ASAP1: variants seen among roughly 807,000 people sequenced by gnomAD.
ASAP1 encodes the protein ArfGAP with SH3 domain, ankyrin repeat and PH domain 1, also known as arf-GAP with SH3 domain, ANK repeat and PH domain-containing protein 1.
A neutral mutation model predicts 145.2 loss-of-function variants in ASAP1; 43 were observed. The observed-to-expected ratio is 0.30, with a 90% CI of 0.23 to 0.38. ASAP1 has a LOEUF of 0.38. Ranked by LOEUF, ASAP1 falls within the 10% of genes least tolerant of loss-of-function variation. ASAP1 has a pLI of 1.00. For missense variants in ASAP1, 1,018 were observed against 1,355.3 expected, an observed-to-expected ratio of 0.75 and a Z score of 3.91; for synonymous variants, 546 against 515.5, an observed-to-expected ratio of 1.06 and a Z score of -0.80.
chr8:130,058,590 C>T (rs540424397), intron 28 of ASAP1, among the ~76,000 whole-genome samples: 12 of 152,230 alleles, frequency 7.9e-5, no homozygotes, highest in South Asian at 6.2e-4. Flanking sequence ...GCCTGGGGCT[C>T]GGAGAAGTCT....
At chr8:130,368,641 A>G (rs1014331644) in intron 2 of ASAP1, among the ~76,000 whole-genome samples, 1 of 152,250 alleles carries the variant, frequency 6.6e-6, no homozygotes, top group African/African-American at 2.4e-5. Flanking sequence ...GAGGACTGAT[A>G]TAGATGCTAG....
At position 130,188,220 on chromosome 8, in the gene ASAP1, A is replaced by T. The variant is rs972347272; in HGVS notation, c.406-37T>A. 3 of 1,521,378 alleles carry T rather than the reference A, an allele frequency of 2.0e-6. No individual in the cohort carries two copies. In the African/African-American group the frequency reaches 4.1e-5, roughly 21 times the overall value. 94.2% of individuals were successfully genotyped at this position (1,521,378 alleles called of 1,614,324 possible). On this transcript the variant is annotated intron_variant, in intron 5 of 29. Coordinates refer to ENST00000518721, the MANE Select transcript of ASAP1 (RefSeq NM_018482.4). Reference sequence around the variant, plus strand: ...AAGGGAAGATGGGAGATGGTTAAAAAATAAAGTCCACATGAACAATAAAAC... The same window carrying T: ...AAGGGAAGATGGGAGATGGTTAAAATATAAAGTCCACATGAACAATAAAAC...
intron 13 of ASAP1, among the ~76,000 whole-genome samples, chr8:130,137,379 G>A (rs935951678): frequency 6.6e-6 from 1 of 152,098 alleles, no homozygotes; most frequent in African/African-American, 2.4e-5. Flanking sequence ...TTTCAGAAGA[G>A]AATAAAAAAA....
chr8:130,399,814 CTTTTTT>C (rs66587581), intron 2 of ASAP1, among the ~76,000 whole-genome samples: 1 of 124,588 alleles, frequency 8.0e-6, no homozygotes. Context: ...AAGTCAGTGT[CTTTTTT>C]TTTTTTTTTT....
chr8:130,161,606 C>G (rs1297199970), intron 11 of ASAP1, among the ~76,000 whole-genome samples: 2 of 152,146 alleles, frequency 1.3e-5, no homozygotes, highest in African/African-American at 4.8e-5. Context: ...ACCAGGCAAG[C>G]TGACTCACAT....
At chr8:130,224,558 G>C (rs758536120) in intron 4 of ASAP1, among the ~76,000 whole-genome samples, 1 of 151,746 alleles carries the variant, frequency 6.6e-6, no homozygotes, top group African/African-American at 2.4e-5. Context: ...CACACATACA[G>C]ACACACAAAT....
intron 3 of ASAP1, among the ~76,000 whole-genome samples, chr8:130,272,033 C>T (rs1412648328): frequency 6.6e-6 from 1 of 151,896 alleles, no homozygotes; most frequent in Non-Finnish European, 1.5e-5. Flanking sequence ...TAAAAGGCTG[C>T]GGTAAGCTCC....
At chr8:130,196,185 T>C (rs1426699397) in intron 5 of ASAP1, among the ~76,000 whole-genome samples, 6 of 152,004 alleles carry the variant, frequency 3.9e-5, no homozygotes, top group African/African-American at 1.4e-4. Context: ...CTACTAAAAA[T>C]ACAAAAATTA....
intron 3 of ASAP1, among the ~76,000 whole-genome samples, chr8:130,331,841 G>C (rs768031964): frequency 6.6e-6 from 1 of 152,082 alleles, no homozygotes; most frequent in African/African-American, 2.4e-5. Context: ...ATCAAGTGGG[G>C]AGAATGATCA....
rs774868670 is a variant in ASAP1, at chr8:130,091,969, T to C, written c.2572+4A>G. On this transcript the variant is annotated splice_donor_region_variant and intron_variant, in intron 25 of 29. Coordinates refer to ENST00000518721, the MANE Select transcript of ASAP1 (RefSeq NM_018482.4). ...GCTTTGGCCCTGACTTTAGGATAAC[T>C]TACCCCAAGGAACTGCGCCTTTGTT... The C allele has an allele frequency of 2.0e-6, 3 of 1,537,620 alleles. No individual in the cohort carries two copies. Among genetic ancestry groups the C allele is most frequent in the Non-Finnish European group, 2.6e-6 (3 of 1,149,198 alleles).
intron 13 of ASAP1, among the ~76,000 whole-genome samples, chr8:130,139,452 G>A (rs367812411): frequency 2.0e-5 from 3 of 152,224 alleles, no homozygotes; most frequent in Non-Finnish European, 2.9e-5. Flanking sequence ...CTGACCAGGC[G>A]TGGTGTCTCA....
intron 2 of ASAP1, among the ~76,000 whole-genome samples, chr8:130,399,027 C>CT (rs1439924681): frequency 5.3e-5 from 8 of 152,204 alleles, no homozygotes; most frequent in Non-Finnish European, 1.2e-4. Flanking sequence ...AGCCAGAGAA[C>CT]TAAATTCTGG....
At chr8:130,326,679 T>C (rs1257971934) in intron 3 of ASAP1, among the ~76,000 whole-genome samples, 5 of 152,158 alleles carry the variant, frequency 3.3e-5, no homozygotes, top group Non-Finnish European at 5.9e-5. Flanking sequence ...TAAATGTAAA[T>C]GTTCAAGGGT....
chr8:130,174,163 C>A (rs1222637934), intron 9 of ASAP1, among the ~76,000 whole-genome samples: 2 of 149,020 alleles, frequency 1.3e-5, no homozygotes, highest in East Asian at 4.0e-4. Flanking sequence ...TGGCTCTAAA[C>A]CTTACTATAC....
At position 130,401,968 on chromosome 8, in the gene ASAP1, G is replaced by T. The variant is rs770612753; in HGVS notation, c.-25C>A. The stretch of plus-strand genomic sequence containing the variant: ...TGTCTCAGCCGTCACATCAGAAAAC[G>T]ACCTGGATAGGGGGCAGGACAAAAA... On this transcript the variant is annotated splice_region_variant and 5_prime_UTR_variant, in exon 2 of 30. Transcript: ENST00000518721. The T allele has an allele frequency of 6.2e-7, 1 of 1,609,178 alleles. No individual in the cohort carries two copies. The highest frequency in any genetic ancestry group is 8.5e-7 in the Non-Finnish European group (1 of 1,177,214).
intron 1 of ASAP1, among the ~76,000 whole-genome samples, chr8:130,424,968 G>C (rs1289577971): frequency 7.0e-6 from 1 of 143,730 alleles, no homozygotes; most frequent in East Asian, 1.9e-4. Context: ...ACTCCAGCCT[G>C]GGTGACAGAG....
chr8:130,266,734 T>C (rs1410924426), intron 3 of ASAP1, among the ~76,000 whole-genome samples: 1 of 151,380 alleles, frequency 6.6e-6, no homozygotes. Flanking sequence ...TTTGTAAAAA[T>C]AAAGACCTAA....
intron 3 of ASAP1, among the ~76,000 whole-genome samples, chr8:130,307,151 T>C (rs888594776): frequency 2.0e-5 from 3 of 152,350 alleles, no homozygotes; most frequent in African/African-American, 7.2e-5. Context: ...TTTTTTTGCT[T>C]TATCTGTCTC....
intron 3 of ASAP1, among the ~76,000 whole-genome samples, chr8:130,353,745 C>A (rs1826136157): frequency 6.6e-6 from 1 of 152,158 alleles, no homozygotes; most frequent in South Asian, 2.1e-4. Flanking sequence ...CGGTGTGCAC[C>A]TGTAGTCCCA....
Sources: gnomAD v4.1 joint callset for allele counts (sites outside exome capture counted in the v4.1 genomes callset) on GRCh38, gnomAD v4.1.1 for gene constraint, MANE v1.5 for transcripts, NCBI Gene and HGNC (gene_info 2026-07-23, HGNC 2026-07-21) for gene names.